Variants in ZNF44 observed in about 807,000 individuals in gnomAD.
ZNF44 encodes the protein zinc finger protein 44.
ZNF44 carries 9 observed loss-of-function variants against 11.7 expected under a neutral mutation model. That is an observed-to-expected ratio of 0.77 (90% CI 0.46 to 1.35). The LOEUF is 1.35. Ranked by LOEUF, ZNF44 falls within the 40% of genes most tolerant of loss-of-function variation. ZNF44 has a pLI of 0.00. For synonymous variants in ZNF44, 224 were observed against 242.7 expected, an observed-to-expected ratio of 0.92 and a Z score of 0.72; for missense variants, 696 against 743.1, an observed-to-expected ratio of 0.94 and a Z score of 0.74.
rs756663088 is a variant in ZNF44 at position 12,273,132 on chromosome 19, A to G, written c.1123T>C (p.Ser375Pro). ...TGTCTTCGAAAGCTTGAGCGATGAG[A>G]TAACAATTTCCCACATTGCTTACAT... is the stretch of plus-strand genomic sequence containing the variant. Reference protein sequence around the residue: ...YECKQCGKLLSHRSSFRRHMM... With the variant: ...YECKQCGKLLPHRSSFRRHMM... The change falls in exon 4 of 4, where the codon TCT becomes CCT. Residue 375 changes from serine to proline, a missense_variant. Ser to Pro is a moderately conservative substitution (Grantham distance 74). Coordinates refer to ENST00000355684, the MANE Select transcript of ZNF44 (RefSeq NM_016264.4). The G allele has an allele frequency of 2.5e-6, 4 of 1,613,782 alleles. No homozygotes were observed. Among genetic ancestry groups the G allele is most frequent in the East Asian group, 2.2e-5 (1 of 44,868 alleles).
chr19:12,273,171 C>T lies in ZNF44; in HGVS notation c.1084G>A (p.Glu362Lys), dbSNP rs772228215. The change falls in exon 4 of 4, where the codon GAG becomes AAG. Residue 362 changes from glutamate (E) to lysine (K), a missense_variant. Coordinates refer to ENST00000355684, the MANE Select transcript of ZNF44 (RefSeq NM_016264.4). ...ARIHEGTHTL[E>K]KPYECKQCGK... ...CATTGCTTACATTCATAGGGTTTCT[C>T]TAGAGTGTGAGTTCCTTCATGAATT... 6.2e-7 allele frequency: 1 copy of T among 1,613,832 alleles called. No homozygotes were observed. The highest frequency in any genetic ancestry group is 1.3e-5 in the African/African-American group (1 of 74,914).
chr19:12,249,040 G>A (rs1916877226), intron 7 of ZNF44, among the ~76,000 whole-genome samples: 1 of 151,988 alleles, frequency 6.6e-6, no homozygotes, highest in African/African-American at 2.4e-5. Context: ...AGCCTCCTGA[G>A]TAGCAGGGAT....
In ZNF44 at chr19:12,273,103, C is replaced by T. The variant is rs373408667; in HGVS notation, c.1152G>A (p.Met384Ile). 21 of 1,613,734 alleles carry T rather than the reference C, an allele frequency of 1.3e-5. No homozygotes were observed. In the African/African-American group the frequency reaches 2.3e-4, roughly 17 times the overall value. Residue 384 changes from methionine to isoleucine, a missense_variant, in exon 4 of 4, where the codon ATG becomes ATA. Coordinates refer to ENST00000355684, the MANE Select transcript of ZNF44 (RefSeq NM_016264.4). ...LSHRSSFRRH[M>I]MAHTGDGPHK... ...GAGGGCCATCTCCAGTGTGTGCCAT[C>T]ATGTGTCTTCGAAAGCTTGAGCGAT...
intron 1 of ZNF44, among the ~76,000 whole-genome samples, chr19:12,287,051 AAT>A (rs148270912): frequency 0.52 from 76,865 of 148,416 alleles, 21,639 homozygotes; most frequent in African/African-American, 0.75. Context: ...ACACACGTAT[AAT>A]ATATATATAT....
intron 1 of ZNF44, among the ~76,000 whole-genome samples, chr19:12,293,852 C>T (rs980967645): frequency 6.6e-6 from 1 of 152,094 alleles, no homozygotes; most frequent in African/African-American, 2.4e-5. Context: ...ACACACAAAC[C>T]CCACACACGA....
intron 1 of ZNF44, among the ~76,000 whole-genome samples, chr19:12,291,516 G>A (rs564258306): frequency 4.7e-5 from 7 of 149,326 alleles, no homozygotes; most frequent in Non-Finnish European, 7.5e-5. Context: ...TGGGCGACAC[G>A]GTGAAACCCC....
intron 5 of ZNF44, among the ~76,000 whole-genome samples, chr19:12,258,145 G>A (rs1917339892): frequency 8.4e-6 from 1 of 119,034 alleles, no homozygotes. Context: ...ACAACATAGT[G>A]AGATCTCATC....
At chr19:12,227,731 T>G (rs908224178) in intron 3 of ZNF44, among the ~76,000 whole-genome samples, 3 of 152,362 alleles carry the variant, frequency 2.0e-5, no homozygotes, top group South Asian at 2.1e-4. Flanking sequence ...CACTAAGATA[T>G]GTCAGAATTA....
rs180719079 is a variant in ZNF44 at position 12,272,132 on chromosome 19, G to A, written c.*275C>T. On this transcript the variant is annotated 3_prime_UTR_variant, in exon 4 of 4. Coordinates refer to ENST00000355684, the MANE Select transcript of ZNF44 (RefSeq NM_016264.4). ...CTGCCTCAGCCTCCTGAGTAGCTAG[G>A]ACTACAGGTGTGAGCAACTATGCCT... is the stretch of plus-strand genomic sequence containing the variant. 54 of 274,214 alleles carry A rather than the reference G, an allele frequency of 2.0e-4. No homozygotes were observed. In the East Asian group the frequency reaches 3.8e-3, roughly 19 times the overall value. The allele number at this position is 274,214 out of a possible 1,614,324, so 17.0% of individuals were successfully genotyped here.
At chr19:12,245,507 CTG>C (rs1374552720), downstream of ZNF44, among the ~76,000 whole-genome samples, 3 of 152,206 alleles carry the variant, frequency 2.0e-5, no homozygotes, top group African/African-American at 7.2e-5. Flanking sequence ...TTCACATAGA[CTG>C]TGTCAGAGCA....
chr19:12,236,532 T>C (rs1916394617), intron 1 of ZNF44, among the ~76,000 whole-genome samples: 1 of 152,166 alleles, frequency 6.6e-6, no homozygotes, highest in African/African-American at 2.4e-5. Flanking sequence ...TGGCTGCAGG[T>C]TGGACATACA....
intron 1 of ZNF44, among the ~76,000 whole-genome samples, chr19:12,236,328 C>T (rs1359614612): frequency 1.3e-5 from 2 of 152,160 alleles, no homozygotes; most frequent in Non-Finnish European, 2.9e-5. Context: ...AAGAGGCAAT[C>T]AGACTGGAAT....
At position 12,293,232 on chromosome 19, in the gene ZNF44, C is replaced by A. The variant is rs561389992; in HGVS notation, c.3+1460G>T. 4 of 1,536,400 alleles carry A rather than the reference C, an allele frequency of 2.6e-6. No homozygotes were observed. The South Asian group carries it at 4.8e-5, about 18-fold the overall frequency. ...ATTCCTCCCACCCCAGTGCATCCAC[C>A]TGATCCTTTGGGAGGCCCCACTCCA... On this transcript the variant is annotated intron_variant, in intron 1 of 3. Coordinates refer to ENST00000355684, the MANE Select transcript of ZNF44 (RefSeq NM_016264.4).
chr19:12,225,887 G>GCCTGCTGAAACATCAAGTTTT (rs1915895589), downstream of ZNF44, among the ~76,000 whole-genome samples: 4 of 152,186 alleles, frequency 2.6e-5, no homozygotes, highest in South Asian at 8.3e-4. Flanking sequence ...TAGAGGCAGC[G>GCCTGCTGAAACATCAAGTTTT]CCTGCTGAAA....
chr19:12,264,132 C>A (rs1447596931), intron 5 of ZNF44, among the ~76,000 whole-genome samples: 3 of 143,062 alleles, frequency 2.1e-5, no homozygotes, highest in Non-Finnish European at 4.5e-5. Flanking sequence ...TAAAAACAGG[C>A]CCAAGGAAAC....
chr19:12,276,853 T>C (rs1445287402), intron 1 of ZNF44, among the ~76,000 whole-genome samples: 2 of 152,164 alleles, frequency 1.3e-5, no homozygotes, highest in Non-Finnish European at 2.9e-5. Flanking sequence ...GGTGTCCTTA[T>C]GAGAAGAGGA....
intron 1 of ZNF44, 162 bp from the exon 2 acceptor site, chr19:12,276,244 T>A (rs1392949096): frequency 8.8e-7 from 1 of 1,133,350 alleles, no homozygotes; most frequent in Non-Finnish European, 1.3e-6. Flanking sequence ...TGTCTGATGC[T>A]GGAATTCTGA....
intron 2 of ZNF44, among the ~76,000 whole-genome samples, chr19:12,275,509 A>C (rs1025429768): frequency 1.2e-4 from 18 of 152,028 alleles, no homozygotes; most frequent in Non-Finnish European, 1.5e-5. Flanking sequence ...TTAGCTGGGC[A>C]TGGTGGCGGG....
exon 8 of ZNF44, chr19:12,248,188 T>TA: frequency 7.6e-7 from 1 of 1,308,206 alleles, no homozygotes; most frequent in Non-Finnish European, 1.0e-6. Flanking sequence ...CCACATTCCT[T>TA]ACATTTGTAG....
Sources: allele counts gnomAD v4.1 joint callset (sites outside exome capture counted in the v4.1 genomes callset), GRCh38; gene constraint gnomAD v4.1.1; transcripts MANE v1.5; gene names NCBI Gene and HGNC (gene_info 2026-07-23, HGNC 2026-07-21).